Variants in IPO11 observed in about 807,000 individuals in gnomAD.
The protein encoded by IPO11 is importin-11.
IPO11 carries 66 observed loss-of-function variants against 143.2 expected under a neutral mutation model. The observed-to-expected ratio is 0.46, with a 90% CI of 0.38 to 0.57. IPO11 has a LOEUF of 0.57. Among genes scored for constraint, IPO11 ranks in the 20% least tolerant of loss-of-function variants. The pLI, the probability that IPO11 is intolerant of heterozygous loss-of-function variation, is 0.00. For missense variants in IPO11, 1,026 were observed against 1,141.0 expected (o/e 0.90, Z 1.45); for synonymous variants, 385 against 377.8 (o/e 1.02, Z -0.22).
intron 16 of IPO11, among the ~76,000 whole-genome samples, chr5:62,497,594 G>A (rs1741199628): frequency 6.6e-6 from 1 of 152,050 alleles, no homozygotes; most frequent in African/African-American, 2.4e-5. Context: ...TCAGCCTCTC[G>A]AGTTGCTAGG....
intron 29 of IPO11, among the ~76,000 whole-genome samples, chr5:62,609,361 C>T (rs1745847278): frequency 6.6e-6 from 1 of 152,216 alleles, no homozygotes; most frequent in Non-Finnish European, 1.5e-5. Context: ...GCATCACCAG[C>T]ACAAAAAGAA....
intron 1 of IPO11, among the ~76,000 whole-genome samples, chr5:62,431,631 T>C (rs1211276536): frequency 6.6e-6 from 1 of 152,042 alleles, no homozygotes; most frequent in Admixed American, 6.6e-5. Flanking sequence ...ACCGGCTTAC[T>C]CAAGATAGCC....
At chr5:62,537,926 T>C (rs1742790617) in intron 24 of IPO11, among the ~76,000 whole-genome samples, 9 of 152,166 alleles carry the variant, frequency 5.9e-5, no homozygotes, top group Admixed American at 5.9e-4. Context: ...CTGTTAAAAG[T>C]ACCCCTATTT....
At chr5:62,485,999 T>TG (rs1432351391) in intron 12 of IPO11, among the ~76,000 whole-genome samples, 11 of 149,726 alleles carry the variant, frequency 7.3e-5, no homozygotes, top group African/African-American at 2.2e-4. Context: ...TTTTTTTTTT[T>TG]GAGACAGAAT....
intron 21 of IPO11, among the ~76,000 whole-genome samples, chr5:62,530,029 T>C (rs1423409250): frequency 6.6e-6 from 1 of 152,222 alleles, no homozygotes; most frequent in Admixed American, 6.5e-5. Context: ...ACTAAGTTCA[T>C]ATTTATTAAG....
intron 1 of IPO11, among the ~76,000 whole-genome samples, chr5:62,421,541 A>T (rs770704458): frequency 2.6e-5 from 4 of 152,216 alleles, no homozygotes; most frequent in Non-Finnish European, 5.9e-5. Context: ...GGAGACTTAC[A>T]TTTAAAGTTC....
intron 1 of IPO11, among the ~76,000 whole-genome samples, chr5:62,427,871 T>C (rs1440914813): frequency 2.0e-5 from 3 of 152,232 alleles, no homozygotes; most frequent in African/African-American, 7.2e-5. Context: ...TTCTTTTAGC[T>C]GAAGGTATTT....
At chr5:62,547,370 G>T (rs1004874692) in intron 24 of IPO11, among the ~76,000 whole-genome samples, 5 of 152,096 alleles carry the variant, frequency 3.3e-5, no homozygotes, top group Non-Finnish European at 7.4e-5. Flanking sequence ...TGTCAGAGTG[G>T]AATGTCATCA....
chr5:62,515,260 A>G, intron 19 of IPO11, 128 bp from the exon 20 acceptor site: 1 of 528,378 alleles, frequency 1.9e-6, no homozygotes, highest in Non-Finnish European at 3.3e-6. Context: ...TATAAGCTTA[A>G]TACATTACAT....
chr5:62,613,356 T>C (rs1230683387), intron 29 of IPO11, among the ~76,000 whole-genome samples: 2 of 131,448 alleles, frequency 1.5e-5, no homozygotes, highest in African/African-American at 5.6e-5. Context: ...CAGTTTGGAG[T>C]GCAGTAGTGT....
At chr5:62,620,751 C>A (rs901529636) in intron 29 of IPO11, among the ~76,000 whole-genome samples, 1 of 152,094 alleles carries the variant, frequency 6.6e-6, no homozygotes, top group African/African-American at 2.4e-5. Flanking sequence ...TTATAAATGT[C>A]TCTTATCAGA....
intron 9 of IPO11, 41 bp downstream of exon 9, chr5:62,476,794 A>G: frequency 6.9e-7 from 1 of 1,440,214 alleles, no homozygotes; most frequent in Non-Finnish European, 9.3e-7. Flanking sequence ...TATAATACAC[A>G]TATTCAGATT....
chr5:62,577,456 A>G (rs1744357229), intron 27 of IPO11, among the ~76,000 whole-genome samples: 1 of 152,098 alleles, frequency 6.6e-6, no homozygotes, highest in Non-Finnish European at 1.5e-5. Flanking sequence ...TTTTTATTTC[A>G]AAGGACCCTT....
intron 1 of IPO11, among the ~76,000 whole-genome samples, chr5:62,433,031 T>A (rs1280968941): frequency 6.6e-6 from 1 of 152,214 alleles, no homozygotes; most frequent in Non-Finnish European, 1.5e-5. Flanking sequence ...GTTCTTTCAT[T>A]TAATGGTTTT....
intron 28 of IPO11, among the ~76,000 whole-genome samples, chr5:62,598,454 C>T (rs374097922): frequency 3.1e-3 from 9 of 2,858 alleles, no homozygotes; most frequent in Admixed American, 0.013. Flanking sequence ...CTCTCTCTCT[C>T]TCTCTCTCTC....
intron 4 of IPO11, among the ~76,000 whole-genome samples, chr5:62,451,281 A>G (rs1259262265): frequency 6.6e-6 from 1 of 152,206 alleles, no homozygotes; most frequent in Non-Finnish European, 1.5e-5. Context: ...AAACTGAGAA[A>G]CTTAAAAATA....
chr5:62,532,329 T>G (rs764528725), intron 22 of IPO11, among the ~76,000 whole-genome samples: 41 of 151,876 alleles, frequency 2.7e-4, no homozygotes, highest in Non-Finnish European at 4.6e-4. Context: ...AGTGTAGTGG[T>G]TTTTTTTGTT....
chr5:62,509,304 G>C (rs181832352), intron 19 of IPO11, among the ~76,000 whole-genome samples: 1 of 152,284 alleles, frequency 6.6e-6, no homozygotes, highest in Admixed American at 6.5e-5. Flanking sequence ...TCTAAAAGAT[G>C]AGGTGTCCTT....
chr5:62,532,322 G>A (rs571906035), intron 22 of IPO11, among the ~76,000 whole-genome samples: 1 of 152,154 alleles, frequency 6.6e-6, no homozygotes, highest in South Asian at 2.1e-4. Flanking sequence ...GTGCTCTAGT[G>A]TAGTGGTTTT....
Sources: gnomAD v4.1 joint callset for allele counts (sites outside exome capture counted in the v4.1 genomes callset) on GRCh38, gnomAD v4.1.1 for gene constraint, MANE v1.5 for transcripts, NCBI Gene and HGNC (gene_info 2026-07-23, HGNC 2026-07-21) for gene names.